The following TRPM3 variants were observed in gnomAD, a reference collection of about 807,000 sequenced individuals.
TRPM3 encodes the protein long transient receptor potential channel 3.
In TRPM3, 77 loss-of-function variants were observed where a neutral mutation model predicts 181.2. That is an observed-to-expected ratio of 0.42 (90% CI 0.35 to 0.51). The LOEUF is 0.51. TRPM3 is among the 20% of genes least tolerant of loss of function. The pLI, the probability that TRPM3 is intolerant of heterozygous loss-of-function variation, is 0.01. For missense variants in TRPM3, 1,759 were observed against 2,196.7 expected (o/e 0.80, Z 3.98); for synonymous variants, 745 against 796.4 (o/e 0.94, Z 1.09).
intron 7 of TRPM3, among the ~76,000 whole-genome samples, chr9:70,765,955 T>C (rs2079037813): frequency 6.6e-6 from 1 of 152,176 alleles, no homozygotes; most frequent in South Asian, 2.1e-4. Context: ...TTATGTGAAA[T>C]TTTTATTTTA....
At chr9:70,885,947 T>C (rs1453848168) in intron 1 of TRPM3, among the ~76,000 whole-genome samples, 1 of 152,190 alleles carries the variant, frequency 6.6e-6, no homozygotes, top group Non-Finnish European at 1.5e-5. Context: ...CAACTTGGCA[T>C]TTAAAATATA....
intron 1 of TRPM3, among the ~76,000 whole-genome samples, chr9:71,065,886 G>T (rs2061855871): frequency 6.6e-6 from 1 of 152,148 alleles, no homozygotes; most frequent in Non-Finnish European, 1.5e-5. Context: ...AGACTGATAT[G>T]CTAGAAAAAC....
At chr9:71,132,814 T>C (rs775523724) in intron 1 of TRPM3, among the ~76,000 whole-genome samples, 5 of 152,198 alleles carry the variant, frequency 3.3e-5, no homozygotes, top group Non-Finnish European at 7.4e-5. Flanking sequence ...TTTACATGAA[T>C]TGATGTCCAT....
chr9:71,040,213 A>G (rs938623804), intron 1 of TRPM3, among the ~76,000 whole-genome samples: 3 of 152,216 alleles, frequency 2.0e-5, no homozygotes, highest in African/African-American at 4.8e-5. Flanking sequence ...CTTTAAGCAG[A>G]AAGAGCTCCT....
chr9:70,946,134 G>A (rs111489098), intron 1 of TRPM3, among the ~76,000 whole-genome samples: 138 of 152,216 alleles, frequency 9.1e-4, no homozygotes, highest in Middle Eastern at 3.4e-3. Flanking sequence ...AGGGAAAATG[G>A]TACTCAAAGA....
At chr9:70,548,417 C>T (rs2045606282) in intron 25 of TRPM3, among the ~76,000 whole-genome samples, 1 of 152,100 alleles carries the variant, frequency 6.6e-6, no homozygotes, top group Non-Finnish European at 1.5e-5. Flanking sequence ...CTGAATTCTT[C>T]AAAGAAATAA....
chr9:71,240,559 AATAGTC>A (rs1261764349), intron 1 of TRPM3, among the ~76,000 whole-genome samples: 32 of 152,338 alleles, frequency 2.1e-4, no homozygotes, highest in African/African-American at 7.0e-4. Flanking sequence ...CTCTGATACA[AATAGTC>A]CATGAAAGTG....
intron 1 of TRPM3, among the ~76,000 whole-genome samples, chr9:71,050,116 T>C (rs12552248): frequency 0.21 from 32,691 of 152,080 alleles, 3,722 homozygotes; most frequent in African/African-American, 0.28. Context: ...AGCCTTATTG[T>C]CTTCTATGAA....
At chr9:70,966,184 C>T (rs976752733) in intron 1 of TRPM3, among the ~76,000 whole-genome samples, 1 of 151,642 alleles carries the variant, frequency 6.6e-6, no homozygotes, top group African/African-American at 2.4e-5. Context: ...AAATCAAAAC[C>T]ACAATGAGAT....
intron 6 of TRPM3, among the ~76,000 whole-genome samples, chr9:70,808,581 A>G (rs1194995817): frequency 6.6e-6 from 1 of 152,230 alleles, no homozygotes; most frequent in African/African-American, 2.4e-5. Flanking sequence ...AACAAGCATG[A>G]CAAATATTTC....
Position 70,639,095 on chromosome 9 carries a change from G to A in TRPM3, c.1546C>T (p.Leu516Phe). ...IENGVSMHRF[L>F]TISRLEELYN... ...AATTCCTCTAGTCTGGAGATGGTGA[G>A]AAAACGGTGCATGCTTACTCCATTC... Residue 516 changes from leucine (L) to phenylalanine (F), a missense_variant, in exon 11 of 26, where the codon CTC becomes TTC. Transcript: ENST00000677713. 1 of 1,613,994 alleles carries A rather than the reference G, an allele frequency of 6.2e-7. No individual in the cohort carries two copies. The highest frequency in any genetic ancestry group is 8.5e-7 in the Non-Finnish European group (1 of 1,179,930).
chr9:71,184,880 G>A (rs2077588960), intron 1 of TRPM3, among the ~76,000 whole-genome samples: 1 of 152,048 alleles, frequency 6.6e-6, no homozygotes, highest in South Asian at 2.1e-4. Flanking sequence ...TGATAAAGAT[G>A]TTTGTTTCAC....
At chr9:70,740,303 G>A (rs1054574823) in intron 8 of TRPM3, among the ~76,000 whole-genome samples, 56 of 152,050 alleles carry the variant, frequency 3.7e-4, no homozygotes, top group African/African-American at 1.3e-3. Context: ...ACAAAACACC[G>A]CTGAAAGAAA....
intron 1 of TRPM3, among the ~76,000 whole-genome samples, chr9:71,075,397 G>A (rs903537095): frequency 6.6e-6 from 1 of 152,164 alleles, no homozygotes; most frequent in Non-Finnish European, 1.5e-5. Context: ...AAGATGTCAA[G>A]TGGAGGGGGT....
intron 3 of TRPM3, among the ~76,000 whole-genome samples, chr9:70,848,964 G>A (rs1381762094): frequency 4.9e-5 from 1 of 20,288 alleles, no homozygotes; most frequent in African/African-American, 2.2e-4. Flanking sequence ...GCGACAGAGC[G>A]AGACTCCGTC....
At chr9:70,839,962 A>T (rs1209508712) in intron 5 of TRPM3, among the ~76,000 whole-genome samples, 1 of 152,186 alleles carries the variant, frequency 6.6e-6, no homozygotes, top group Non-Finnish European at 1.5e-5. Flanking sequence ...CTGAGAAAAG[A>T]GTTGCGACTG....
At chr9:71,426,431 T>C (rs2093864734) in intron 1 of TRPM3, among the ~76,000 whole-genome samples, 1 of 152,004 alleles carries the variant, frequency 6.6e-6, no homozygotes, top group Non-Finnish European at 1.5e-5. Flanking sequence ...ACTGTACTTA[T>C]CAAGAAGCTC....
intron 1 of TRPM3, among the ~76,000 whole-genome samples, chr9:71,007,022 A>G (rs2097683936): frequency 7.1e-6 from 1 of 140,670 alleles, no homozygotes; most frequent in Non-Finnish European, 1.5e-5. Flanking sequence ...CTAGGCAACA[A>G]GAGCGAAACT....
chr9:70,893,549 T>C (rs141274152), intron 1 of TRPM3, among the ~76,000 whole-genome samples: 37 of 152,276 alleles, frequency 2.4e-4, no homozygotes, highest in Non-Finnish European at 3.8e-4. Flanking sequence ...GTTTATGGAA[T>C]ACTACATATA....
Sources: allele counts gnomAD v4.1 joint callset (sites outside exome capture counted in the v4.1 genomes callset), GRCh38; gene constraint gnomAD v4.1.1; transcripts MANE v1.5; gene names NCBI Gene and HGNC (gene_info 2026-07-23, HGNC 2026-07-21).